Variants in ZFHX3 observed in about 807,000 individuals in gnomAD.
ZFHX3 encodes the protein zinc finger homeobox 3.
A neutral mutation model predicts 279.1 loss-of-function variants in ZFHX3; 42 were observed. That is an observed-to-expected ratio of 0.15 (90% CI 0.12 to 0.19). The LOEUF is 0.19. ZFHX3 is among the 10% of genes least tolerant of loss of function. The pLI is 1.00. For missense variants in ZFHX3, 4,981 were observed against 4,754.0 expected (o/e 1.05, Z -1.40); for synonymous variants, 2,293 against 1,957.8 (o/e 1.17, Z -4.52).
At chr16:73,568,742 G>A (rs1488049356) in intron 2 of ZFHX3, among the ~76,000 whole-genome samples, 1 of 152,156 alleles carries the variant, frequency 6.6e-6, no homozygotes, top group Non-Finnish European at 1.5e-5. Context: ...GATCGAGCTG[G>A]CTTCAGAGCT....
chr16:73,194,117 T>C (rs1264828428), intron 5 of ZFHX3, among the ~76,000 whole-genome samples: 1 of 152,188 alleles, frequency 6.6e-6, no homozygotes, highest in Non-Finnish European at 1.5e-5. Flanking sequence ...CTTCAGGGTG[T>C]TCCAACCCAT....
intron 8 of ZFHX3, among the ~76,000 whole-genome samples, chr16:73,087,472 C>T (rs915586061): frequency 2.6e-5 from 4 of 152,234 alleles, no homozygotes; most frequent in Non-Finnish European, 4.4e-5. Context: ...TTTCCCCAAA[C>T]TGCCATTCTT....
intron 1 of ZFHX3, among the ~76,000 whole-genome samples, chr16:73,752,979 C>G (rs1255122965): frequency 3.3e-5 from 5 of 152,208 alleles, no homozygotes; most frequent in African/African-American, 1.2e-4. Flanking sequence ...ATATTTGTAA[C>G]TCCATACTCA....
chr16:72,987,422 C>T (rs1438584316), intron 1 of ZFHX3, among the ~76,000 whole-genome samples: 1 of 152,176 alleles, frequency 6.6e-6, no homozygotes, highest in Non-Finnish European at 1.5e-5. Flanking sequence ...AGAAATCATT[C>T]ACCAGTGCTC....
intron 4 of ZFHX3, among the ~76,000 whole-genome samples, chr16:72,870,320 A>C (rs958332238): frequency 2.6e-5 from 4 of 151,344 alleles, no homozygotes; most frequent in African/African-American, 9.7e-5. Context: ...TGAGCCCAGG[A>C]GGTGGAGGTT....
At chr16:73,886,907 A>G (rs769107198) in intron 1 of ZFHX3, among the ~76,000 whole-genome samples, 20 of 152,224 alleles carry the variant, frequency 1.3e-4, no homozygotes, top group Non-Finnish European at 2.5e-4. Flanking sequence ...GTCACTGATT[A>G]AAAGTTTCTA....
At chr16:73,144,669 T>A (rs1340321362) in intron 5 of ZFHX3, among the ~76,000 whole-genome samples, 8 of 152,186 alleles carry the variant, frequency 5.3e-5, no homozygotes, top group Non-Finnish European at 1.0e-4. Context: ...ACCCAACGAA[T>A]GCAGAAGACA....
intron 5 of ZFHX3, among the ~76,000 whole-genome samples, chr16:72,823,744 A>AT (rs1388934466): frequency 6.6e-6 from 1 of 152,186 alleles, no homozygotes; most frequent in Non-Finnish European, 1.5e-5. Context: ...ATGAAGCTCC[A>AT]GAATTGTTAA....
chr16:73,311,749 A>G (rs1597278191), intron 4 of ZFHX3, among the ~76,000 whole-genome samples: 1 of 152,148 alleles, frequency 6.6e-6, no homozygotes, highest in African/African-American at 2.4e-5. Context: ...TTTTTTTCCA[A>G]AACACCTCAG....
At chr16:73,385,154 T>C (rs895575538) in intron 3 of ZFHX3, among the ~76,000 whole-genome samples, 12 of 152,144 alleles carry the variant, frequency 7.9e-5, no homozygotes, top group African/African-American at 2.9e-4. Context: ...TTGTTTAGGC[T>C]CCTGATCAAA....
At chr16:73,602,456 G>C (rs1426941613) in intron 2 of ZFHX3, among the ~76,000 whole-genome samples, 1 of 152,088 alleles carries the variant, frequency 6.6e-6, no homozygotes, top group Non-Finnish European at 1.5e-5. Flanking sequence ...TTCCTCCAAA[G>C]GGCAGGGGAG....
chr16:72,903,034 T>C (rs1263960486), intron 3 of ZFHX3, among the ~76,000 whole-genome samples: 1 of 152,152 alleles, frequency 6.6e-6, no homozygotes, highest in Non-Finnish European at 1.5e-5. Flanking sequence ...AGCCCGGTAC[T>C]GCAGGAGTCT....
rs150781264 is a variant in ZFHX3 at position 73,805,394 on chromosome 16, C to G, written c.-1608+86257G>C. 5.4e-3 allele frequency among the ~76,000 whole-genome samples: 828 copies of G among 152,256 alleles called. 6 individuals carry two copies. The highest frequency in any genetic ancestry group is 0.019 in the African/African-American group (777 of 41,544). On this transcript the variant is annotated intron_variant, in intron 1 of 17. Transcript: ENST00000641206. ...ATGTTGGCCAGGATGGTCTTGAACT[C>G]CTGACTGCAGGTGATCCGCCTGCCT...
intron 3 of ZFHX3, among the ~76,000 whole-genome samples, chr16:73,322,329 G>A: frequency 6.6e-6 from 1 of 152,002 alleles, no homozygotes; most frequent in Non-Finnish European, 1.5e-5. Flanking sequence ...TTAATGGCGA[G>A]GCAGCTAGGT....
intron 4 of ZFHX3, among the ~76,000 whole-genome samples, chr16:72,852,465 ATCTCT>A (rs1179702439): frequency 6.6e-6 from 1 of 152,244 alleles, no homozygotes; most frequent in Non-Finnish European, 1.5e-5. Flanking sequence ...AGAACTTCAC[ATCTCT>A]TAAGTGGACA....
At chr16:73,279,725 G>A (rs1273989841) in intron 4 of ZFHX3, among the ~76,000 whole-genome samples, 2 of 152,082 alleles carry the variant, frequency 1.3e-5, no homozygotes, top group Non-Finnish European at 2.9e-5. Context: ...AAGACATGAG[G>A]ACATACAGCT....
chr16:73,570,408 A>G (rs2051722315), intron 2 of ZFHX3, among the ~76,000 whole-genome samples: 1 of 152,214 alleles, frequency 6.6e-6, no homozygotes. Flanking sequence ...TTTGTGAATA[A>G]TTAAGACTAA....
chr16:73,188,456 C>A (rs553901109), intron 5 of ZFHX3, among the ~76,000 whole-genome samples: 6 of 152,194 alleles, frequency 3.9e-5, no homozygotes, highest in African/African-American at 1.4e-4. Flanking sequence ...TTTGTCCTCT[C>A]GAGCTGATGA....
intron 5 of ZFHX3, 194 bp downstream of exon 5, chr16:72,829,585 G>A: frequency 1.6e-6 from 1 of 607,448 alleles, no homozygotes; most frequent in Non-Finnish European, 2.9e-6. Context: ...GTATAATGTA[G>A]TATAATAAAG....
Sources: allele counts gnomAD v4.1 joint callset (sites outside exome capture counted in the v4.1 genomes callset), GRCh38; gene constraint gnomAD v4.1.1; transcripts MANE v1.5; gene names NCBI Gene and HGNC (gene_info 2026-07-23, HGNC 2026-07-21).